The following DNAJC1 variants were observed in gnomAD, a reference collection of about 807,000 sequenced individuals.
DNAJC1 encodes DnaJ heat shock protein family (Hsp40) member C1.
A neutral mutation model predicts 76.6 loss-of-function variants in DNAJC1; 58 were observed. That is an observed-to-expected ratio of 0.76 (90% CI 0.61 to 0.94). The LOEUF (loss-of-function observed/expected upper bound fraction) is 0.94, where lower values mean the gene tolerates loss of function less well. Among genes scored for constraint, DNAJC1 ranks in the 40% least tolerant of loss-of-function variants. DNAJC1 has a pLI of 0.00. For missense variants in DNAJC1, 689 were observed against 677.3 expected (o/e 1.02, Z -0.19); for synonymous variants, 258 against 267.9 (o/e 0.96, Z 0.36).
intron 8 of DNAJC1, among the ~76,000 whole-genome samples, chr10:21,852,013 G>C (rs186566843): frequency 6.6e-6 from 1 of 151,148 alleles, no homozygotes; most frequent in African/African-American, 2.4e-5. Context: ...AGATCACGCC[G>C]CTGCACTCCA....
intron 1 of DNAJC1, among the ~76,000 whole-genome samples, chr10:21,936,300 G>T (rs549677159): frequency 1.3e-5 from 2 of 152,258 alleles, no homozygotes; most frequent in Non-Finnish European, 2.9e-5. Flanking sequence ...CTCTAGAACC[G>T]TGAGCAACAA....
At chr10:21,985,999 G>A (rs567935559) in intron 1 of DNAJC1, among the ~76,000 whole-genome samples, 6 of 152,202 alleles carry the variant, frequency 3.9e-5, no homozygotes, top group East Asian at 3.9e-4. Flanking sequence ...AAGCCGAGGC[G>A]GGCAGATCAC....
chr10:21,932,078 C>A (rs1467353766), intron 1 of DNAJC1, among the ~76,000 whole-genome samples: 1 of 151,788 alleles, frequency 6.6e-6, no homozygotes, highest in Non-Finnish European at 1.5e-5. Context: ...GGCTCACGCC[C>A]GTAATCCCAG....
At chr10:21,911,138 TA>T (rs1390734914) in intron 6 of DNAJC1, among the ~76,000 whole-genome samples, 9 of 146,456 alleles carry the variant, frequency 6.1e-5, no homozygotes, top group African/African-American at 1.8e-4. Context: ...TTTACAGTGG[TA>T]GGGGGAGGGA....
At chr10:21,829,852 T>C (rs1835328116) in intron 8 of DNAJC1, among the ~76,000 whole-genome samples, 1 of 152,256 alleles carries the variant, frequency 6.6e-6, no homozygotes, top group South Asian at 2.1e-4. Context: ...TGCTTTCTTT[T>C]ATTCTTTCTC....
At position 22,003,682 on chromosome 10, in the gene DNAJC1, G is replaced by A. The variant is rs1018822905; in HGVS notation, c.-248C>T. On this transcript the variant is annotated 5_prime_UTR_variant, in exon 1 of 12. Transcript: ENST00000376980. ...TACGTTCCGAAGACCCTCGCCCCCA[G>A]GCCTACACACAGCTGTAGAGGCAGC... The A allele has an allele frequency of 1.0e-5, 4 of 396,908 alleles. No homozygotes were observed. Among genetic ancestry groups the A allele is most frequent in the African/African-American group, 6.3e-5 (3 of 47,542 alleles). 24.6% of individuals were successfully genotyped at this position (396,908 alleles called of 1,614,324 possible). A position where few individuals can be genotyped will look rare whatever the true frequency, so the allele number is the denominator to read the frequency against.
chr10:21,928,131 GA>G (rs1399446625), intron 3 of DNAJC1, among the ~76,000 whole-genome samples: 9 of 152,116 alleles, frequency 5.9e-5, no homozygotes, highest in African/African-American at 1.9e-4. Flanking sequence ...GAATGGGGGG[GA>G]AAAGCACCAA....
chr10:21,772,271 CTTTT>C (rs398045895), intron 9 of DNAJC1, among the ~76,000 whole-genome samples: 2 of 93,042 alleles, frequency 2.1e-5, no homozygotes, highest in Non-Finnish European at 2.0e-5. Flanking sequence ...CACCCCTCTT[CTTTT>C]TTTTTTTTTT....
chr10:21,884,970 ATAAC>A (rs1308980498), intron 7 of DNAJC1, among the ~76,000 whole-genome samples: 1 of 152,166 alleles, frequency 6.6e-6, no homozygotes, highest in Non-Finnish European at 1.5e-5. Flanking sequence ...AGCCAACATT[ATAAC>A]CAGCTAACAA....
At chr10:21,921,529 G>C (rs1837042775) in intron 3 of DNAJC1, among the ~76,000 whole-genome samples, 1 of 151,730 alleles carries the variant, frequency 6.6e-6, no homozygotes, top group Non-Finnish European at 1.5e-5. Context: ...TTTTAATTTT[G>C]TATTGCTATA....
At chr10:21,824,464 A>C (rs1564798495) in intron 8 of DNAJC1, among the ~76,000 whole-genome samples, 1 of 152,234 alleles carries the variant, frequency 6.6e-6, no homozygotes, top group African/African-American at 2.4e-5. Context: ...AGGATGGTGG[A>C]AATACATTTG....
intron 1 of DNAJC1, among the ~76,000 whole-genome samples, chr10:21,967,466 AC>A (rs1837912161): frequency 6.6e-6 from 1 of 152,116 alleles, no homozygotes; most frequent in Admixed American, 6.5e-5. Flanking sequence ...CCTGTCCCAG[AC>A]CTGGAACCAA....
rs1310038521 is a variant in DNAJC1 at position 21,929,053 on chromosome 10, G to A, written c.311C>T (p.Thr104Ile). The change falls in exon 2 of 12, where the codon ACT (threonine) becomes ATT (isoleucine). Residue 104 changes from threonine to isoleucine, a missense_variant. Thr to Ile is a moderately conservative substitution (Grantham distance 89). Transcript: ENST00000376980. ...TATTTCACTTACTTGTCTAAACTGA[G>A]TTTCTGCATTTTCATCTTTATTCTT... ...PDKNKDENAETQFRQLVAIYE... is the reference protein window; with the variant it reads ...PDKNKDENAEIQFRQLVAIYE... 6.2e-7 allele frequency: 1 copy of A among 1,605,986 alleles called. No homozygotes were observed. Among genetic ancestry groups the A allele is most frequent in the Admixed American group, 1.7e-5 (1 of 59,050 alleles).
intron 10 of DNAJC1, among the ~76,000 whole-genome samples, chr10:21,765,777 G>A (rs977602147): frequency 2.0e-5 from 3 of 152,190 alleles, no homozygotes; most frequent in African/African-American, 7.2e-5. Context: ...CTGGGAGGCA[G>A]AGGTTGCAGT....
At chr10:21,853,307 C>G (rs1835784194) in intron 8 of DNAJC1, among the ~76,000 whole-genome samples, 1 of 152,058 alleles carries the variant, frequency 6.6e-6, no homozygotes, top group Non-Finnish European at 1.5e-5. Context: ...AGAATTCACT[C>G]TCTGTACTTT....
chr10:21,918,685 A>G (rs929479732), intron 6 of DNAJC1, 94 bp downstream of exon 6: 3 of 839,126 alleles, frequency 3.6e-6, no homozygotes, highest in Non-Finnish European at 5.9e-6. Context: ...CATCCACTGC[A>G]TATCAGCATT....
At chr10:21,879,170 G>T (rs1266156478) in intron 8 of DNAJC1, among the ~76,000 whole-genome samples, 2 of 152,178 alleles carry the variant, frequency 1.3e-5, no homozygotes, top group African/African-American at 4.8e-5. Flanking sequence ...CATTGAACTT[G>T]GCAATGGTTA....
intron 3 of DNAJC1, among the ~76,000 whole-genome samples, chr10:21,922,508 T>C (rs1028422728): frequency 7.2e-5 from 11 of 152,006 alleles, no homozygotes; most frequent in African/African-American, 2.7e-4. Context: ...GGTTTGGCAG[T>C]AGCTACACCA....
At chr10:21,813,208 C>CTA (rs1564794825) in intron 8 of DNAJC1, among the ~76,000 whole-genome samples, 6 of 68,666 alleles carry the variant, frequency 8.7e-5, no homozygotes, top group Non-Finnish European at 1.5e-4. Flanking sequence ...CTCTCTCTCT[C>CTA]TCTCTCTCTC....
Sources: gnomAD v4.1 joint callset for allele counts (sites outside exome capture counted in the v4.1 genomes callset) on GRCh38, gnomAD v4.1.1 for gene constraint, MANE v1.5 for transcripts, NCBI Gene and HGNC (gene_info 2026-07-23, HGNC 2026-07-21) for gene names.